The following MGMT variants were observed in gnomAD, a reference collection of about 807,000 sequenced individuals.
The protein encoded by MGMT is methylated-DNA--protein-cysteine methyltransferase.
Under a neutral mutation model 15.9 loss-of-function variants are expected in MGMT, and 14 were observed. That is an observed-to-expected ratio of 0.88 (90% CI 0.58 to 1.37). The LOEUF (loss-of-function observed/expected upper bound fraction) is 1.37. Among genes scored for constraint, MGMT ranks in the 40% most tolerant of loss-of-function variants. MGMT has a pLI of 0.00. For synonymous variants in MGMT, 130 were observed against 118.2 expected (o/e 1.10, Z -0.65); for missense variants, 282 against 268.1 (o/e 1.05, Z -0.36).
At chr10:129,759,651 C>T (rs1482989133) in intron 4 of MGMT, among the ~76,000 whole-genome samples, 1 of 152,142 alleles carries the variant, frequency 6.6e-6, no homozygotes, top group Non-Finnish European at 1.5e-5. Context: ...GCCCCACCTG[C>T]TCACTCAGGA....
chr10:129,730,236 C>A (rs1159804806), intron 3 of MGMT, among the ~76,000 whole-genome samples: 3 of 152,126 alleles, frequency 2.0e-5, no homozygotes, highest in Non-Finnish European at 4.4e-5. Flanking sequence ...TGGCGTGGAG[C>A]TGAAACTCAC....
chr10:129,649,442 A>G (rs1260439001), intron 2 of MGMT, among the ~76,000 whole-genome samples: 2 of 152,204 alleles, frequency 1.3e-5, no homozygotes, highest in African/African-American at 2.4e-5. Flanking sequence ...GCTATTGTTT[A>G]AAAAATAAAA....
At chr10:129,595,664 G>T (rs1846742915) in intron 2 of MGMT, among the ~76,000 whole-genome samples, 1 of 152,154 alleles carries the variant, frequency 6.6e-6, no homozygotes, top group East Asian at 1.9e-4. Flanking sequence ...AAAAGTGTCT[G>T]TGTCCCTCCT....
chr10:129,650,950 G>A (rs1296844161), intron 2 of MGMT, among the ~76,000 whole-genome samples: 1 of 152,174 alleles, frequency 6.6e-6, no homozygotes, highest in African/African-American at 2.4e-5. Context: ...CAGTGGTACT[G>A]CCCGAGGGCC....
intron 2 of MGMT, among the ~76,000 whole-genome samples, chr10:129,576,527 G>A (rs1177536775): frequency 6.6e-6 from 1 of 152,156 alleles, no homozygotes; most frequent in East Asian, 1.9e-4. Context: ...GTATTGATGG[G>A]ACGTATCTCA....
chr10:129,550,232 C>T (rs944380182), intron 2 of MGMT, among the ~76,000 whole-genome samples: 6 of 152,064 alleles, frequency 3.9e-5, no homozygotes, highest in East Asian at 1.9e-4. Flanking sequence ...CAGCCATCAC[C>T]GCCGCCCAGC....
At position 129,536,241 on chromosome 10, in the gene MGMT, G is replaced by T. The variant is rs762625039; in HGVS notation, c.-12G>T. ...TGTCTTAAAAATTATTTCTGTTTAG[G>T]TACTTGGAAAAATGGACAAGGATTG... On this transcript the variant is annotated splice_region_variant and 5_prime_UTR_variant, in exon 2 of 5. Coordinates refer to ENST00000651593, the MANE Select transcript of MGMT (RefSeq NM_002412.5). 1 of 1,613,690 alleles carries T rather than the reference G, an allele frequency of 6.2e-7. No individual in the cohort carries two copies. Among genetic ancestry groups the T allele is most frequent in the South Asian group, 1.1e-5 (1 of 90,954 alleles).
chr10:129,539,673 A>C (rs1846023673), intron 2 of MGMT, among the ~76,000 whole-genome samples: 1 of 151,928 alleles, frequency 6.6e-6, no homozygotes, highest in South Asian at 2.1e-4. Context: ...CGCCCGGCTA[A>C]ATTTTTGTAT....
rs377213798 is a variant in MGMT at position 129,556,603 on chromosome 10, C to T, written c.125+20226C>T. ...GTTCAGCTTTACCGTCTTGCTGCAG[C>T]GGGAACGTCCTGCTGTAGAAGAGGC... On this transcript the variant is annotated intron_variant, in intron 2 of 4. Coordinates refer to ENST00000651593, the MANE Select transcript of MGMT (RefSeq NM_002412.5). This position sits in a 1 kb window ranked among gnomAD's most constrained non-coding sequence, Gnocchi z 4.3. Among the ~76,000 whole-genome samples the T allele has an allele frequency of 5.9e-5, 9 of 152,274 alleles. No homozygotes were observed. The East Asian group carries it at 1.4e-3, about 23-fold the overall frequency.
intron 1 of MGMT, among the ~76,000 whole-genome samples, chr10:129,513,305 G>A (rs984641669): frequency 2.6e-5 from 4 of 152,208 alleles, no homozygotes; most frequent in Admixed American, 1.3e-4. Flanking sequence ...TTTGGCTATA[G>A]ATAGAGGTGA....
chr10:129,626,077 C>T (rs1486154117), intron 2 of MGMT, among the ~76,000 whole-genome samples: 3 of 152,080 alleles, frequency 2.0e-5, no homozygotes, highest in East Asian at 1.9e-4. Context: ...GGCAGAGTGG[C>T]GATTTGTACT....
At chr10:129,605,034 A>T (rs900841394) in intron 2 of MGMT, among the ~76,000 whole-genome samples, 3 of 152,142 alleles carry the variant, frequency 2.0e-5, no homozygotes, top group African/African-American at 7.2e-5. Flanking sequence ...TGTTTTACCA[A>T]ATTAAACATG....
At chr10:129,537,183 G>A (rs1845995533) in intron 2 of MGMT, 1 of 151,992 alleles carries the variant, frequency 6.6e-6, no homozygotes, top group Admixed American at 6.6e-5. Flanking sequence ...CCTATGCTTG[G>A]TGTTTCTCTT....
intron 2 of MGMT, among the ~76,000 whole-genome samples, chr10:129,692,634 A>G (rs1847982457): frequency 6.6e-6 from 1 of 152,222 alleles, no homozygotes; most frequent in African/African-American, 2.4e-5. Context: ...ACGCAAGGGC[A>G]GCGAGGAGGT....
At chr10:129,625,429 A>G (rs1235392561) in intron 2 of MGMT, among the ~76,000 whole-genome samples, 1 of 152,250 alleles carries the variant, frequency 6.6e-6, no homozygotes, top group Non-Finnish European at 1.5e-5. Flanking sequence ...AATGGTAACC[A>G]CAGACCAATG....
At chr10:129,761,359 C>G (rs184085205) in intron 4 of MGMT, among the ~76,000 whole-genome samples, 252 of 152,352 alleles carry the variant, frequency 1.7e-3, no homozygotes, top group African/African-American at 5.9e-3. Flanking sequence ...TGCTCGCTCC[C>G]TTGTGTGTGC....
chr10:129,768,585 T>C lies in MGMT; in HGVS notation c.*1588T>C, dbSNP rs538360695. On this transcript the variant is annotated 3_prime_UTR_variant, in exon 5 of 5. Coordinates refer to ENST00000651593, the MANE Select transcript of MGMT (RefSeq NM_002412.5). The stretch of plus-strand genomic sequence containing the variant: ...CTGTGTCCCCCACAGATGATGGCCC[T>C]CCCCAGTGATGGCCGGTCACCAGGC... Among the ~76,000 whole-genome samples the C allele has an allele frequency of 2.0e-4, 31 of 152,326 alleles. No homozygotes were observed. The South Asian group carries it at 2.1e-3, about 10-fold the overall frequency.
chr10:129,683,693 A>G (rs1441294628), intron 2 of MGMT, among the ~76,000 whole-genome samples: 1 of 152,178 alleles, frequency 6.6e-6, no homozygotes, highest in Non-Finnish European at 1.5e-5. Context: ...TGTCATGATG[A>G]CTTAAGACAG....
intron 3 of MGMT, among the ~76,000 whole-genome samples, chr10:129,746,163 C>T (rs1342679267): frequency 4.7e-5 from 7 of 150,442 alleles, no homozygotes; most frequent in Non-Finnish European, 8.8e-5. Context: ...GGCGTGAACC[C>T]GGGAGGCAGA....
Sources: gnomAD v4.1 joint callset for allele counts (sites outside exome capture counted in the v4.1 genomes callset) on GRCh38, gnomAD v4.1.1 for gene constraint, Gnocchi (gnomAD v3.1) non-coding constraint, MANE v1.5 for transcripts, NCBI Gene and HGNC (gene_info 2026-07-23, HGNC 2026-07-21) for gene names.